Variants in PRKCA observed in about 807,000 individuals in gnomAD.
The protein encoded by PRKCA is protein kinase C alpha type.
In PRKCA, 27 loss-of-function variants were observed where a neutral mutation model predicts 87.0. The observed-to-expected ratio is 0.31, with a 90% CI of 0.23 to 0.43. The LOEUF (loss-of-function observed/expected upper bound fraction) is 0.43. Among genes scored for constraint, PRKCA ranks in the 20% least tolerant of loss-of-function variants. The pLI is 1.00. For missense variants in PRKCA, 518 were observed against 852.3 expected (o/e 0.61, Z 4.88); for synonymous variants, 329 against 311.1 (o/e 1.06, Z -0.61).
chr17:66,664,077 G>C (rs538790106), intron 5 of PRKCA, among the ~76,000 whole-genome samples: 1 of 151,810 alleles, frequency 6.6e-6, no homozygotes, highest in Non-Finnish European at 1.5e-5. Flanking sequence ...CATGTTGGCC[G>C]GGCAGGTCTC....
intron 2 of PRKCA, among the ~76,000 whole-genome samples, chr17:66,390,829 A>G (rs952199279): frequency 6.6e-6 from 1 of 152,208 alleles, no homozygotes; most frequent in Non-Finnish European, 1.5e-5. Context: ...CCACCACCAC[A>G]GCCTTGGAGA....
At chr17:66,687,337 T>C (rs1018275578) in intron 6 of PRKCA, 70 bp downstream of exon 6, 49 of 1,505,000 alleles carry the variant, frequency 3.3e-5, no homozygotes, top group Non-Finnish European at 4.2e-5. Context: ...TTATTTGAGG[T>C]AATGAAGTAG....
At chr17:66,703,402 C>T (rs977326704) in intron 8 of PRKCA, 1 of 152,164 alleles carries the variant, frequency 6.6e-6, no homozygotes, top group Non-Finnish European at 1.5e-5. Flanking sequence ...CAGTAATACA[C>T]ATGGAGCTGT....
intron 8 of PRKCA, among the ~76,000 whole-genome samples, chr17:66,713,444 G>A (rs1270949569): frequency 1.3e-5 from 2 of 152,020 alleles, no homozygotes; most frequent in East Asian, 1.9e-4. Context: ...TCTGCTCCCC[G>A]TACCCCACCC....
intron 2 of PRKCA, among the ~76,000 whole-genome samples, chr17:66,384,772 G>T (rs542515995): frequency 6.6e-6 from 1 of 152,154 alleles, no homozygotes; most frequent in African/African-American, 2.4e-5. Context: ...GGGACTACAG[G>T]TGCCCGTCAC....
At chr17:66,542,392 A>G (rs1340399663) in intron 3 of PRKCA, among the ~76,000 whole-genome samples, 1 of 152,118 alleles carries the variant, frequency 6.6e-6, no homozygotes, top group Non-Finnish European at 1.5e-5. Flanking sequence ...GTGTGCTGTG[A>G]GAAAACCCAG....
chr17:66,485,760 A>C (rs1391555942), intron 2 of PRKCA, among the ~76,000 whole-genome samples: 2 of 152,136 alleles, frequency 1.3e-5, no homozygotes, highest in African/African-American at 2.4e-5. Context: ...CCTTGGACTG[A>C]AGGCAAGAGA....
chr17:66,748,779 A>C (rs1299151942), intron 13 of PRKCA, among the ~76,000 whole-genome samples: 3 of 152,116 alleles, frequency 2.0e-5, no homozygotes, highest in Non-Finnish European at 2.9e-5. Context: ...TTTACGTGGC[A>C]GAAACTTGAG....
chr17:66,367,941 C>A (rs1204603109), intron 2 of PRKCA, among the ~76,000 whole-genome samples: 2 of 152,254 alleles, frequency 1.3e-5, no homozygotes, highest in Admixed American at 6.5e-5. Flanking sequence ...ACAATGAATT[C>A]CCTGTGTTTA....
chr17:66,734,768 C>T (rs4257241), intron 9 of PRKCA, among the ~76,000 whole-genome samples: 96,907 of 151,922 alleles, frequency 0.64, 31,272 homozygotes, highest in East Asian at 0.71. Flanking sequence ...CAAATGCCTG[C>T]GACATTAGGG....
intron 3 of PRKCA, among the ~76,000 whole-genome samples, chr17:66,552,586 C>T (rs1968371725): frequency 6.6e-6 from 1 of 152,200 alleles, no homozygotes; most frequent in Admixed American, 6.5e-5. Context: ...CTGGACTTTG[C>T]CCTCAGTTCC....
intron 2 of PRKCA, among the ~76,000 whole-genome samples, chr17:66,493,511 G>T (rs1727931537): frequency 6.6e-6 from 1 of 151,946 alleles, no homozygotes; most frequent in Admixed American, 6.6e-5. Context: ...TCAGCCTTGG[G>T]AAAGACCATC....
intron 2 of PRKCA, among the ~76,000 whole-genome samples, chr17:66,445,940 G>T (rs228888): frequency 6.6e-6 from 1 of 151,706 alleles, no homozygotes; most frequent in African/African-American, 2.4e-5. Context: ...CAGCCTTCCA[G>T]GTAGCTGGGA....
intron 5 of PRKCA, among the ~76,000 whole-genome samples, chr17:66,686,231 C>G (rs985232007): frequency 1.3e-5 from 2 of 152,106 alleles, no homozygotes; most frequent in African/African-American, 4.8e-5. Context: ...AATCTTTGAG[C>G]CTGTTTTCCT....
chr17:66,503,744 T>G (rs1445683073), intron 3 of PRKCA, among the ~76,000 whole-genome samples: 1 of 152,214 alleles, frequency 6.6e-6, no homozygotes, highest in African/African-American at 2.4e-5. Context: ...AAAAGGCTGC[T>G]GAAATGTTGA....
chr17:66,407,262 T>A (rs1196445036), intron 2 of PRKCA, among the ~76,000 whole-genome samples: 5 of 151,916 alleles, frequency 3.3e-5, no homozygotes, highest in African/African-American at 1.2e-4. Context: ...TGGGAGGTGA[T>A]CAGATCATGG....
chr17:66,535,462 C>T (rs959240332), intron 3 of PRKCA, among the ~76,000 whole-genome samples: 3 of 152,172 alleles, frequency 2.0e-5, no homozygotes, highest in Admixed American at 2.0e-4. Context: ...CTTTAACCTG[C>T]TCCATCTTGG....
intron 2 of PRKCA, among the ~76,000 whole-genome samples, chr17:66,321,294 C>G (rs1905642580): frequency 6.6e-6 from 1 of 152,092 alleles, no homozygotes. Context: ...CTTGGACATT[C>G]TTTATTGCCC....
intron 7 of PRKCA, among the ~76,000 whole-genome samples, chr17:66,688,713 G>A (rs1325964804): frequency 6.6e-6 from 1 of 152,098 alleles, no homozygotes; most frequent in Non-Finnish European, 1.5e-5. Flanking sequence ...CGAGGCATGA[G>A]GATCACTTGA....
Sources: gnomAD v4.1 joint callset for allele counts (sites outside exome capture counted in the v4.1 genomes callset) on GRCh38, gnomAD v4.1.1 for gene constraint, MANE v1.5 for transcripts, NCBI Gene and HGNC (gene_info 2026-07-23, HGNC 2026-07-21) for gene names.